Variants in RABGAP1L observed in about 807,000 individuals in gnomAD.
The protein encoded by RABGAP1L is rab GTPase-activating protein 1-like.
Under a neutral mutation model 137.7 loss-of-function variants are expected in RABGAP1L, and 63 were observed. That is an observed-to-expected ratio of 0.46 (90% CI 0.37 to 0.56). The LOEUF (loss-of-function observed/expected upper bound fraction) is 0.56, where lower values mean the gene tolerates loss of function less well. Among genes scored for constraint, RABGAP1L ranks in the 20% least tolerant of loss-of-function variants. RABGAP1L has a pLI of 0.00. For missense variants in RABGAP1L, 1,095 were observed against 1,244.0 expected, an observed-to-expected ratio of 0.88 and a Z score of 1.80; for synonymous variants, 431 against 433.7, an observed-to-expected ratio of 0.99 and a Z score of 0.08.
chr1:174,603,420 A>G (rs1027137973), intron 13 of RABGAP1L, among the ~76,000 whole-genome samples: 13 of 152,126 alleles, frequency 8.5e-5, no homozygotes, highest in African/African-American at 2.9e-4. Context: ...CCAGCACAGT[A>G]CTGGGTCTTG....
chr1:174,605,326 C>T (rs1169168630), intron 13 of RABGAP1L, among the ~76,000 whole-genome samples: 1 of 152,128 alleles, frequency 6.6e-6, no homozygotes, highest in Non-Finnish European at 1.5e-5. Context: ...CTATCATAAG[C>T]AGATGTTATT....
chr1:174,478,178 G>T (rs1658702911), intron 13 of RABGAP1L, among the ~76,000 whole-genome samples: 1 of 151,860 alleles, frequency 6.6e-6, no homozygotes, highest in Non-Finnish European at 1.5e-5. Flanking sequence ...CTCTGTGATT[G>T]ATTTTTACCC....
At chr1:174,280,961 G>A (rs1216731449) in intron 10 of RABGAP1L, among the ~76,000 whole-genome samples, 1 of 152,074 alleles carries the variant, frequency 6.6e-6, no homozygotes, top group Non-Finnish European at 1.5e-5. Flanking sequence ...GACTTCAAGA[G>A]TGAAGCCGCA....
At chr1:174,794,716 T>G (rs529429153) in intron 18 of RABGAP1L, among the ~76,000 whole-genome samples, 3 of 152,336 alleles carry the variant, frequency 2.0e-5, no homozygotes, top group Non-Finnish European at 4.4e-5. Flanking sequence ...CTGCATCTAC[T>G]GTGGACAACA....
chr1:174,861,101 TCC>T lies in RABGAP1L; in HGVS notation c.2340+49145_2340+49146del, dbSNP rs1201488448. 7.2e-5 allele frequency among the ~76,000 whole-genome samples: 11 copies of T among 152,100 alleles called. No individual in the cohort carries two copies. In the East Asian group the frequency reaches 2.1e-3, roughly 29 times the overall value. On this transcript the variant is annotated intron_variant, in intron 19 of 25. Coordinates refer to ENST00000681986, the MANE Select transcript of RABGAP1L (RefSeq NM_001366446.1). ...CTTTGAGCAACATCTCTCTATCTTA[TCC>T]CCCGACAAGGAGCAACCACCATTCT...
chr1:174,892,732 C>CTTTTTT, intron 19 of RABGAP1L: 1 of 387,392 alleles, frequency 2.6e-6, no homozygotes, highest in South Asian at 2.0e-5. Context: ...TGTTTTCTTT[C>CTTTTTT]TTTTTTTTTT....
At chr1:174,216,587 G>GT (rs374265714) in intron 1 of RABGAP1L, among the ~76,000 whole-genome samples, 10,264 of 137,226 alleles carry the variant, frequency 0.075, 460 homozygotes, top group Non-Finnish European at 0.11. Flanking sequence ...TTGCTGTCAT[G>GT]TTTTTTTTTT....
intron 13 of RABGAP1L, among the ~76,000 whole-genome samples, chr1:174,621,280 A>G (rs1395426235): frequency 6.6e-6 from 1 of 152,214 alleles, no homozygotes; most frequent in Non-Finnish European, 1.5e-5. Flanking sequence ...CATACTCCCC[A>G]AGGTAATTTA....
At chr1:174,679,662 T>TTA (rs1224651220) in intron 14 of RABGAP1L, among the ~76,000 whole-genome samples, 1 of 152,164 alleles carries the variant, frequency 6.6e-6, no homozygotes, top group Non-Finnish European at 1.5e-5. Context: ...AACAACATGG[T>TTA]TATGCATGTA....
At chr1:174,285,793 T>A (rs1193087203) in intron 10 of RABGAP1L, among the ~76,000 whole-genome samples, 1 of 152,196 alleles carries the variant, frequency 6.6e-6, no homozygotes, top group Non-Finnish European at 1.5e-5. Flanking sequence ...TTGGGCATTT[T>A]TATCATGAAA....
At chr1:174,495,976 G>C (rs965751952) in intron 13 of RABGAP1L, among the ~76,000 whole-genome samples, 5 of 152,082 alleles carry the variant, frequency 3.3e-5, no homozygotes, top group African/African-American at 1.2e-4. Flanking sequence ...GCCTCAGCCT[G>C]CCAGTGTGCT....
At chr1:174,558,841 G>GT (rs1196991587) in intron 13 of RABGAP1L, among the ~76,000 whole-genome samples, 1 of 152,124 alleles carries the variant, frequency 6.6e-6, no homozygotes, top group East Asian at 1.9e-4. Flanking sequence ...ACTTTCTTTA[G>GT]TTTTTTTCTC....
intron 11 of RABGAP1L, among the ~76,000 whole-genome samples, chr1:174,341,309 C>T (rs1452502342): frequency 1.3e-5 from 2 of 152,150 alleles, no homozygotes; most frequent in African/African-American, 4.8e-5. Context: ...TATGATGCAT[C>T]TTTGCCATGC....
At chr1:174,484,237 T>G (rs532278900) in intron 13 of RABGAP1L, among the ~76,000 whole-genome samples, 7 of 152,360 alleles carry the variant, frequency 4.6e-5, no homozygotes, top group Admixed American at 1.3e-4. Context: ...TTTCCCATTT[T>G]TTAATAAGAT....
intron 13 of RABGAP1L, among the ~76,000 whole-genome samples, chr1:174,554,242 C>G (rs1035582385): frequency 6.6e-6 from 1 of 152,084 alleles, no homozygotes; most frequent in East Asian, 1.9e-4. Flanking sequence ...AAAACTTGGG[C>G]CTTCTATCAT....
chr1:174,255,040 T>A (rs1184790657), intron 7 of RABGAP1L, among the ~76,000 whole-genome samples: 2 of 152,260 alleles, frequency 1.3e-5, no homozygotes, highest in Non-Finnish European at 2.9e-5. Flanking sequence ...CTAACTGGTG[T>A]GAGATGGTAT....
At chr1:174,577,252 CA>C (rs1668442511) in intron 13 of RABGAP1L, among the ~76,000 whole-genome samples, 1 of 120,958 alleles carries the variant, frequency 8.3e-6, no homozygotes, top group African/African-American at 3.2e-5. Context: ...CACACACACA[CA>C]CACACACACA....
chr1:174,240,510 A>G (rs1190866977), intron 4 of RABGAP1L, among the ~76,000 whole-genome samples: 1 of 152,214 alleles, frequency 6.6e-6, no homozygotes, highest in African/African-American at 2.4e-5. Flanking sequence ...GACCTCCTAA[A>G]GTGTTGGGAT....
intron 1 of RABGAP1L, among the ~76,000 whole-genome samples, chr1:174,189,598 TCTGCCCTCATG>T (rs1667062662): frequency 6.6e-6 from 1 of 152,238 alleles, no homozygotes; most frequent in Non-Finnish European, 1.5e-5. Context: ...TCATGAGGGC[TCTGCCCTCATG>T]AATTCATTCA....
Sources: allele counts gnomAD v4.1 joint callset (sites outside exome capture counted in the v4.1 genomes callset), GRCh38; gene constraint gnomAD v4.1.1; transcripts MANE v1.5; gene names NCBI Gene and HGNC (gene_info 2026-07-23, HGNC 2026-07-21).